Variants in MDFIC2 observed in about 807,000 individuals in gnomAD.
MDFIC2 encodes myoD family inhibitor domain-containing protein 2.
chr3:70,249,969 T>C (rs1701745167), intron 2 of MDFIC2, among the ~76,000 whole-genome samples: 1 of 152,180 alleles, frequency 6.6e-6, no homozygotes, highest in South Asian at 2.1e-4. Context: ...TTAGATCCAC[T>C]AGCCTAGCTG....
At chr3:70,255,429 T>G (rs932435192) in intron 2 of MDFIC2, among the ~76,000 whole-genome samples, 1 of 152,190 alleles carries the variant, frequency 6.6e-6, no homozygotes, top group Non-Finnish European at 1.5e-5. Context: ...TCAGTAATTT[T>G]TTTTTCTTCT....
At chr3:70,247,471 T>C (rs1701718217) in intron 2 of MDFIC2, among the ~76,000 whole-genome samples, 1 of 151,724 alleles carries the variant, frequency 6.6e-6, no homozygotes, top group South Asian at 2.1e-4. Context: ...TCATATAATA[T>C]ATATTATCTA....
chr3:70,256,598 A>T (rs1701818896), intron 2 of MDFIC2, among the ~76,000 whole-genome samples: 1 of 152,194 alleles, frequency 6.6e-6, no homozygotes, highest in South Asian at 2.1e-4. Context: ...CTGCTCCATC[A>T]GTAAATAATG....
chr3:70,284,027 G>T (rs1249991175), intron 2 of MDFIC2, among the ~76,000 whole-genome samples: 3 of 152,030 alleles, frequency 2.0e-5, no homozygotes, highest in African/African-American at 7.2e-5. Context: ...GGTGGCAGAG[G>T]TATTGGCTAT....
intron 3 of MDFIC2, among the ~76,000 whole-genome samples, chr3:70,200,167 C>G (rs1042443302): frequency 6.6e-6 from 1 of 152,200 alleles, no homozygotes; most frequent in East Asian, 1.9e-4. Flanking sequence ...CATTTTAGCT[C>G]TGGCCACCAT....
At chr3:70,257,701 C>T (rs780347682) in intron 2 of MDFIC2, among the ~76,000 whole-genome samples, 4 of 152,140 alleles carry the variant, frequency 2.6e-5, no homozygotes, top group Non-Finnish European at 2.9e-5. Context: ...ATTCATGCAT[C>T]GGAAGACTCA....
chr3:70,207,778 AT>A (rs1197506925), intron 2 of MDFIC2, among the ~76,000 whole-genome samples: 1 of 152,094 alleles, frequency 6.6e-6, no homozygotes, highest in Non-Finnish European at 1.5e-5. Flanking sequence ...TGCATAGGTT[AT>A]ATGCAAATAC....
chr3:70,246,569 G>T (rs978797031), intron 2 of MDFIC2, among the ~76,000 whole-genome samples: 2 of 152,142 alleles, frequency 1.3e-5, no homozygotes, highest in Admixed American at 1.3e-4. Context: ...TAATGAATCA[G>T]TTGTTAGTAT....
intron 2 of MDFIC2, among the ~76,000 whole-genome samples, chr3:70,208,301 A>T (rs1701310828): frequency 6.6e-6 from 1 of 152,004 alleles, no homozygotes; most frequent in South Asian, 2.1e-4. Context: ...TGATAATACA[A>T]TTGGCAACCT....
At chr3:70,311,402 C>T (rs1176254227) in intron 2 of MDFIC2, among the ~76,000 whole-genome samples, 2 of 152,186 alleles carry the variant, frequency 1.3e-5, no homozygotes, top group East Asian at 1.9e-4. Flanking sequence ...AACCATTTTA[C>T]GCATGCGGAG....
At chr3:70,208,448 A>T (rs566302843) in intron 2 of MDFIC2, among the ~76,000 whole-genome samples, 1 of 152,164 alleles carries the variant, frequency 6.6e-6, no homozygotes, top group African/African-American at 2.4e-5. Flanking sequence ...TTCTAAGGCA[A>T]TGGGTTCTAG....
At chr3:70,267,165 G>T (rs1701923406) in intron 2 of MDFIC2, among the ~76,000 whole-genome samples, 1 of 152,082 alleles carries the variant, frequency 6.6e-6, no homozygotes, top group Admixed American at 6.6e-5. Flanking sequence ...TTCTCTGATT[G>T]ATTATGTAGG....
intron 2 of MDFIC2, among the ~76,000 whole-genome samples, chr3:70,253,909 A>G (rs1701791392): frequency 6.6e-6 from 1 of 152,186 alleles, no homozygotes; most frequent in African/African-American, 2.4e-5. Context: ...CTAAAAATGT[A>G]TAATCTCTTT....
chr3:70,270,650 A>T (rs1701967233), intron 2 of MDFIC2, among the ~76,000 whole-genome samples: 1 of 152,190 alleles, frequency 6.6e-6, no homozygotes, highest in African/African-American at 2.4e-5. Flanking sequence ...CCTGGGATGG[A>T]TCTTTAATAT....
intron 3 of MDFIC2, 137 bp downstream of exon 3, chr3:70,206,432 C>G: frequency 2.5e-6 from 1 of 393,754 alleles, no homozygotes; most frequent in Non-Finnish European, 4.5e-6. Context: ...ATGTCATTCA[C>G]CAGAGTTTTC....
At chr3:70,283,459 A>G (rs1426824969) in intron 2 of MDFIC2, among the ~76,000 whole-genome samples, 3 of 152,144 alleles carry the variant, frequency 2.0e-5, no homozygotes, top group Admixed American at 6.6e-5. Context: ...AGGGCCTTGA[A>G]GAGAGGATTT....
intron 2 of MDFIC2, among the ~76,000 whole-genome samples, chr3:70,251,922 A>G (rs1701773118): frequency 6.6e-6 from 1 of 152,198 alleles, no homozygotes; most frequent in South Asian, 2.1e-4. Context: ...CACTGTAATT[A>G]TGGCAATATT....
At chr3:70,312,078 A>C (rs1702459506) in intron 1 of MDFIC2, 105 bp from the exon 2 acceptor site, 1 of 392,212 alleles carries the variant, frequency 2.5e-6, no homozygotes, top group Non-Finnish European at 4.5e-6. Flanking sequence ...GGAAAATTTT[A>C]TCTCTATAGT....
intron 3 of MDFIC2, among the ~76,000 whole-genome samples, chr3:70,203,146 C>T (rs187781473): frequency 8.5e-4 from 130 of 152,186 alleles, no homozygotes; most frequent in African/African-American, 2.8e-3. Flanking sequence ...CCAGACAAAT[C>T]ACAATCCCTC....
Sources: gnomAD v4.1 joint callset for allele counts (sites outside exome capture counted in the v4.1 genomes callset) on GRCh38, gnomAD v4.1.1 for gene constraint, MANE v1.5 for transcripts, NCBI Gene and HGNC (gene_info 2026-07-23, HGNC 2026-07-21) for gene names.